Variants in ITGA6 observed in about 807,000 individuals in gnomAD.
The protein encoded by ITGA6 is integrin alpha-6.
ITGA6 carries 63 observed loss-of-function variants against 133.6 expected under a neutral mutation model. That is an observed-to-expected ratio of 0.47 (90% CI 0.38 to 0.58). The LOEUF is 0.58. Among genes scored for constraint, ITGA6 ranks in the 20% least tolerant of loss-of-function variants. The pLI, the probability that ITGA6 is intolerant of heterozygous loss-of-function variation, is 0.00. For missense variants in ITGA6, 1,068 were observed against 1,309.4 expected, an observed-to-expected ratio of 0.82 and a Z score of 2.85; for synonymous variants, 434 against 482.0, an observed-to-expected ratio of 0.90 and a Z score of 1.30.
Position 172,504,253 on chromosome 2 carries a change from C to G in ITGA6, c.*185C>G. The G allele has an allele frequency of 6.6e-7, 1 of 1,519,110 alleles. No individual in the cohort carries two copies. The highest frequency in any genetic ancestry group is 8.8e-7 in the Non-Finnish European group (1 of 1,132,840). 94.1% of individuals were successfully genotyped at this position (1,519,110 alleles called of 1,614,324 possible). A position where few individuals can be genotyped will look rare whatever the true frequency, so the allele number is the denominator to read the frequency against. ...GAACGAAAATGAAAGCTACTCATAGCGGGGGCCTAAAAAAAAAAAGCTTCA... is the reference window on the plus strand; with the variant it reads ...GAACGAAAATGAAAGCTACTCATAGGGGGGGCCTAAAAAAAAAAAGCTTCA... On this transcript the variant is annotated 3_prime_UTR_variant, in exon 26 of 26. Transcript: ENST00000684293.
chr2:172,503,069 T>G (rs186052941), intron 25 of ITGA6, among the ~76,000 whole-genome samples: 115 of 152,188 alleles, frequency 7.6e-4, no homozygotes, highest in African/African-American at 2.6e-3. Context: ...ATACATATAA[T>G]TTTATCTTGC....
intron 23 of ITGA6, among the ~76,000 whole-genome samples, chr2:172,495,215 A>T (rs1036141138): frequency 6.6e-6 from 1 of 152,252 alleles, no homozygotes; most frequent in Non-Finnish European, 1.5e-5. Context: ...AATCGAATTT[A>T]ATGCATCAAC....
At chr2:172,474,686 A>G (rs1686088992) in intron 6 of ITGA6, among the ~76,000 whole-genome samples, 1 of 152,170 alleles carries the variant, frequency 6.6e-6, no homozygotes, top group East Asian at 1.9e-4. Flanking sequence ...GTGAGGTCTT[A>G]ATGGGAGTCC....
rs1156829283 is a variant in ITGA6, at chr2:172,504,511, C to T, written c.*443C>T. 4 of 309,554 alleles carry T rather than the reference C, an allele frequency of 1.3e-5. No individual in the cohort carries two copies. Among genetic ancestry groups the T allele is most frequent in the Non-Finnish European group, 2.4e-5 (4 of 164,354 alleles). 19.2% of individuals were successfully genotyped at this position (309,554 alleles called of 1,614,324 possible). On this transcript the variant is annotated 3_prime_UTR_variant, in exon 26 of 26. Coordinates refer to ENST00000684293, the MANE Select transcript of ITGA6 (RefSeq NM_000210.4). The stretch of plus-strand genomic sequence containing the variant: ...CTTTCTGGGTTGCCTTTATTTTTGG[C>T]GTGGCTGACTTACATCATGTGTTGG...
At chr2:172,428,106 C>T in intron 1 of ITGA6, 136 bp downstream of exon 1, 1 of 754,014 alleles carries the variant, frequency 1.3e-6, no homozygotes, top group Non-Finnish European at 1.8e-6. Flanking sequence ...GAGGCGCACC[C>T]AGCGCCCAGC....
intron 1 of ITGA6, among the ~76,000 whole-genome samples, chr2:172,441,419 G>C (rs184530516): frequency 4.6e-5 from 7 of 152,034 alleles, no homozygotes; most frequent in Non-Finnish European, 1.0e-4. Context: ...ACTCAGGCAT[G>C]GTGGCTCATG....
rs1275519508 is a variant in ITGA6 at position 172,489,601 on chromosome 2, A to G, written c.2622A>G (p.Lys874=). Reference sequence around the variant, plus strand: ...TTTATTTGGTGAAAGTAGAATCCAAAGGATTGGAAAAGGTAACTTGTGAGC... The same window carrying G: ...TTTATTTGGTGAAAGTAGAATCCAAGGGATTGGAAAAGGTAACTTGTGAGC... ...WLLYLVKVES[K]GLEKVTCEPQ... Residue 874 remains lysine (K), a synonymous_variant, in exon 20 of 26, where the codon AAA becomes AAG. Coordinates refer to ENST00000684293, the MANE Select transcript of ITGA6 (RefSeq NM_000210.4). 1 of 1,614,026 alleles carries G rather than the reference A, an allele frequency of 6.2e-7. No individual in the cohort carries two copies. Among genetic ancestry groups the G allele is most frequent in the Admixed American group, 1.7e-5 (1 of 60,028 alleles).
At chr2:172,439,984 A>C (rs1684474951) in intron 1 of ITGA6, among the ~76,000 whole-genome samples, 1 of 152,112 alleles carries the variant, frequency 6.6e-6, no homozygotes, top group Non-Finnish European at 1.5e-5. Context: ...AGCCACTGTC[A>C]CCCCTTCCCC....
intron 1 of ITGA6, among the ~76,000 whole-genome samples, chr2:172,460,959 T>C (rs759857769): frequency 6.6e-6 from 1 of 152,250 alleles, no homozygotes; most frequent in Non-Finnish European, 1.5e-5. Context: ...GCCATTGTTC[T>C]TGGAGTTTTA....
Position 172,474,081 on chromosome 2 carries a change from A to T in ITGA6, c.802A>T (p.Ile268Phe). The change falls in exon 6 of 26, where the codon ATT becomes TTT. Residue 268 changes from isoleucine to phenylalanine, a missense_variant. Ile to Phe is a conservative substitution (Grantham distance 21). This residue lies in a region of ITGA6 where 317 missense variants were observed against 456.9 expected (regional missense o/e 0.69). Coordinates refer to ENST00000684293, the MANE Select transcript of ITGA6 (RefSeq NM_000210.4). ...LGFSLDSGKG[I>F]VSKDEITFVS... is the part of the protein sequence containing the mutation. Reference sequence around the variant, plus strand: ...TTTTTCTTTGGACTCAGGGAAAGGTATTGTTTCTAAAGATGAGATCACTTT... The same window carrying T: ...TTTTTCTTTGGACTCAGGGAAAGGTTTTGTTTCTAAAGATGAGATCACTTT... 1.9e-6 allele frequency: 3 copies of T among 1,613,386 alleles called. No individual in the cohort carries two copies. The highest frequency in any genetic ancestry group is 2.5e-6 in the Non-Finnish European group (3 of 1,179,922).
In ITGA6 at chr2:172,465,869, C is replaced by T. The variant is rs1050477473; in HGVS notation, c.307+206C>T. On this transcript the variant is annotated intron_variant, in intron 2 of 25. Transcript: ENST00000684293. ...GGATGCCGCGTGTTTTGCTGCTCCT[C>T]CTAACCGTGGTTTCTAAACCGATAT... The T allele has an allele frequency of 1.9e-5, 14 of 729,234 alleles. No individual in the cohort carries two copies. The African/African-American group carries it at 2.4e-4, about 13-fold the overall frequency. 45.2% of individuals were successfully genotyped at this position (729,234 alleles called of 1,614,324 possible).
intron 23 of ITGA6, among the ~76,000 whole-genome samples, chr2:172,494,156 T>G (rs1687033977): frequency 6.6e-6 from 1 of 152,228 alleles, no homozygotes; most frequent in Non-Finnish European, 1.5e-5. Flanking sequence ...GGCTTGAAGA[T>G]CTAAGCTTAA....
intron 1 of ITGA6, among the ~76,000 whole-genome samples, chr2:172,436,547 G>A (rs59454075): frequency 0.077 from 11,734 of 152,144 alleles, 551 homozygotes; most frequent in East Asian, 0.26. Context: ...CAGCTGAGAA[G>A]GTTTTTCAAT....
At chr2:172,435,400 C>T (rs1684273278) in intron 1 of ITGA6, among the ~76,000 whole-genome samples, 1 of 152,000 alleles carries the variant, frequency 6.6e-6, no homozygotes, top group African/African-American at 2.4e-5. Context: ...GTGATGGCCT[C>T]TTACTGGCAG....
chr2:172,449,413 C>A lies in ITGA6; in HGVS notation c.183-16126C>A, dbSNP rs573978971. On this transcript the variant is annotated intron_variant, in intron 1 of 25. Coordinates refer to ENST00000684293, the MANE Select transcript of ITGA6 (RefSeq NM_000210.4). ...CTAAGGTACCTAAGGTTGTATTCATCCCATTTATTGAATGCCAAGGATATA... is the reference window on the plus strand; with the variant it reads ...CTAAGGTACCTAAGGTTGTATTCATACCATTTATTGAATGCCAAGGATATA... 2.0e-5 allele frequency among the ~76,000 whole-genome samples: 3 copies of A among 151,808 alleles called. No individual in the cohort carries two copies. In the South Asian group the frequency reaches 6.2e-4, roughly 31 times the overall value.
intron 10 of ITGA6, 90 bp from the exon 11 acceptor site, chr2:172,479,900 A>G (rs1574387419): frequency 9.6e-7 from 1 of 1,038,426 alleles, no homozygotes; most frequent in African/African-American, 1.6e-5. Flanking sequence ...ATCAATGGGC[A>G]TTGGGGGGAT....
intron 1 of ITGA6, among the ~76,000 whole-genome samples, chr2:172,441,559 TAAAAAAAAAAAAAAAA>T (rs57828626): frequency 1.2e-3 from 58 of 48,860 alleles, no homozygotes; most frequent in South Asian, 2.3e-3. Context: ...GCTGTCTCTT[TAAAAAAAAAAAAAAAA>T]AAAAAAAAAA....
chr2:172,480,366 T>A (rs1259421774), intron 11 of ITGA6, among the ~76,000 whole-genome samples: 1 of 151,748 alleles, frequency 6.6e-6, no homozygotes, highest in Middle Eastern at 3.4e-3. Context: ...GGAAAATTGA[T>A]TTTGTGGTTG....
Position 172,432,245 on chromosome 2 carries a change from T to A in ITGA6, c.182+4275T>A, listed in dbSNP as rs150902828. 5.5e-3 allele frequency among the ~76,000 whole-genome samples: 845 copies of A among 152,324 alleles called. 10 individuals carry two copies. The highest frequency in any genetic ancestry group is 0.019 in the African/African-American group (796 of 41,570). ...ATAGCTTAAGAACCAGTTTAAAATT[T>A]CCCCATCCTACACTAAAGCAATGTC... On this transcript the variant is annotated intron_variant, in intron 1 of 25. Coordinates refer to ENST00000684293, the MANE Select transcript of ITGA6 (RefSeq NM_000210.4).
Sources: gnomAD v4.1 joint callset for allele counts (sites outside exome capture counted in the v4.1 genomes callset) on GRCh38, gnomAD v4.1.1 for gene constraint, gnomAD v4.1.1 regional missense constraint, MANE v1.5 for transcripts, NCBI Gene and HGNC (gene_info 2026-07-23, HGNC 2026-07-21) for gene names.